The following BTBD6 variants were observed in gnomAD, a reference collection of about 807,000 sequenced individuals.
BTBD6 encodes the protein BTB/POZ domain-containing protein 6.
Under a neutral mutation model 40.6 loss-of-function variants are expected in BTBD6, and 30 were observed. The ratio of observed to expected loss-of-function variants is 0.74; its 90% CI spans 0.55 to 1.00. The LOEUF (loss-of-function observed/expected upper bound fraction) is 1.00. Among genes scored for constraint, BTBD6 ranks in the 50% least tolerant of loss-of-function variants. The pLI is 0.00. For missense variants in BTBD6, 698 were observed against 694.6 expected, an observed-to-expected ratio of 1.00 and a Z score of -0.06; for synonymous variants, 378 against 308.7, an observed-to-expected ratio of 1.22 and a Z score of -2.35.
In BTBD6 at chr14:105,248,636, C is replaced by T. The variant is rs1034114754; in HGVS notation, c.-76C>T. The T allele has an allele frequency of 6.1e-6, 6 of 979,528 alleles. No individual in the cohort carries two copies. Among genetic ancestry groups the T allele is most frequent in the Admixed American group, 1.3e-4 (2 of 15,800 alleles). The allele number at this position is 979,528 out of a possible 1,614,324, so 60.7% of individuals were successfully genotyped here. ...CCTGGCCGGGCTGCGCTAGGCTGGG[C>T]TCGGGCAGGGTCGCAGGGGCGGGGG... On this transcript the variant is annotated 5_prime_UTR_variant, in exon 1 of 4. Transcript: ENST00000392554.
At position 105,250,892 on chromosome 14, in the gene BTBD6, G is replaced by C; in HGVS notation, c.*220G>C. 1 of 581,374 alleles carries C rather than the reference G, an allele frequency of 1.7e-6. No individual in the cohort carries two copies. Among genetic ancestry groups the C allele is most frequent in the Non-Finnish European group, 3.1e-6 (1 of 322,198 alleles). The allele number at this position is 581,374 out of a possible 1,614,324, so 36.0% of individuals were successfully genotyped here. Reference sequence around the variant, plus strand: ...AGTGGGGTGCACGTCTCAGGTGGAGGAAGATTTACGGCTCAAGACAGGCCC... The same window carrying C: ...AGTGGGGTGCACGTCTCAGGTGGAGCAAGATTTACGGCTCAAGACAGGCCC... On this transcript the variant is annotated 3_prime_UTR_variant, in exon 4 of 4. Coordinates refer to ENST00000392554, the MANE Select transcript of BTBD6 (RefSeq NM_001387567.1).
In BTBD6 at chr14:105,249,374, C is replaced by T; in HGVS notation, c.480C>T (p.Val160=). 1.2e-6 allele frequency: 2 copies of T among 1,611,294 alleles called. No individual in the cohort carries two copies. The highest frequency in any genetic ancestry group is 1.1e-5 in the South Asian group (1 of 90,690). ...TVPAHKYVLA[V]GSSVFYAMFY... ...TCTCCTCCCAGTACGTCTTGGCTGT[C>T]GGCAGCTCCGTCTTCTATGCCATGT... Residue 160 remains valine (V), a synonymous_variant, in exon 3 of 4, where the codon GTC becomes GTT. Coordinates refer to ENST00000392554, the MANE Select transcript of BTBD6 (RefSeq NM_001387567.1).
Position 105,250,716 on chromosome 14 carries a change from G to C in BTBD6, c.*44G>C, listed in dbSNP as rs781716954. On this transcript the variant is annotated 3_prime_UTR_variant, in exon 4 of 4. Coordinates refer to ENST00000392554, the MANE Select transcript of BTBD6 (RefSeq NM_001387567.1). The stretch of plus-strand genomic sequence containing the variant: ...AGCAGGTCAGCGAGTGAGTGGAGGG[G>C]AAGTCAAGATGCTAACTGCTTCTTG... 6.4e-7 allele frequency: 1 copy of C among 1,560,264 alleles called. No individual in the cohort carries two copies. Among genetic ancestry groups the C allele is most frequent in the Non-Finnish European group, 8.7e-7 (1 of 1,147,788 alleles).
rs2055417828 is a variant in BTBD6 at position 105,249,291 on chromosome 14, C to G, written c.465+44C>G. On this transcript the variant is annotated intron_variant, in intron 2 of 3. Transcript: ENST00000392554. ...TCTCGGAACGCGTGCCCCGTCCGCC[C>G]CGTCCGCCGTGTGGCTGACACGCAG... The G allele has an allele frequency of 9.6e-6, 15 of 1,570,644 alleles. No individual in the cohort carries two copies. The East Asian group carries it at 2.1e-4, about 22-fold the overall frequency.
In BTBD6 at chr14:105,249,768, C is replaced by A; in HGVS notation, c.713C>A (p.Ala238Asp). The A allele has an allele frequency of 6.2e-7, 1 of 1,613,872 alleles. No individual in the cohort carries two copies. Residue 238 changes from alanine to aspartate, a missense_variant, in exon 4 of 4, where the codon GCC becomes GAC. Transcript: ENST00000392554. ...AACTTTCTGGAGACAAGTTTGGAAG[C>A]CAAGAACGCCTGCGTCCTGCTGTCC... is the stretch of plus-strand genomic sequence containing the variant. The part of the protein sequence containing the change: ...CVNFLETSLE[A>D]KNACVLLSQS...
In BTBD6 at chr14:105,250,064, C is replaced by G. The variant is rs561091813; in HGVS notation, c.1009C>G (p.Arg337Gly). Residue 337 changes from arginine (R) to glycine (G), a missense_variant, in exon 4 of 4, where the codon CGA (arginine) becomes GGA (glycine). Arg to Gly is a moderately radical substitution (Grantham distance 125). Transcript: ENST00000392554. ...TCTGGGGCGAGCCCTCTATCTGGTC[C>G]GAATTCCAACCATGACCCTAGAGGA... The part of the protein sequence containing the change: ...HVLGRALYLV[R>G]IPTMTLEEFA... 6.2e-7 allele frequency: 1 copy of G among 1,612,966 alleles called. No homozygotes were observed.
At position 105,250,625 on chromosome 14, in the gene BTBD6, A is replaced by C; in HGVS notation, c.1570A>C (p.Thr524Pro). The change falls in exon 4 of 4, where the codon ACT becomes CCT. Residue 524 changes from threonine (T) to proline (P), a missense_variant. Transcript: ENST00000392554. The stretch of plus-strand genomic sequence containing the variant: ...GTGCTCCTCGGACAGCACCAACGGG[A>C]CTGGGGTCCAGGGTGGGCAGATCCC... ...FQCSSDSTNG[T>P]GVQGGQIPEL... 1 of 1,613,728 alleles carries C rather than the reference A, an allele frequency of 6.2e-7. No homozygotes were observed. Among genetic ancestry groups the C allele is most frequent in the Middle Eastern group, 1.7e-4 (1 of 5,856 alleles).
chr14:105,250,230 A>C lies in BTBD6; in HGVS notation c.1175A>C (p.His392Pro). The C allele has an allele frequency of 6.2e-7, 1 of 1,612,940 alleles. No homozygotes were observed. The highest frequency in any genetic ancestry group is 8.5e-7 in the Non-Finnish European group (1 of 1,180,026). Residue 392 changes from histidine (H) to proline (P), a missense_variant, in exon 4 of 4, where the codon CAC becomes CCC. By Grantham distance (77) the His-to-Pro change is moderately conservative (BLOSUM62 -2). Transcript: ENST00000392554. ...AAGGGCCTCGCCCCGCAGAGGTGCCACCGATTCCAGTCTTCTGCCTACCGC... is the reference window on the plus strand; with the variant it reads ...AAGGGCCTCGCCCCGCAGAGGTGCCCCCGATTCCAGTCTTCTGCCTACCGC... ...KRKGLAPQRC[H>P]RFQSSAYRSN... is the part of the protein sequence containing the mutation.
At position 105,250,668 on chromosome 14, in the gene BTBD6, C is replaced by G; in HGVS notation, c.1613C>G (p.Ala538Gly). 3 of 1,603,528 alleles carry G rather than the reference C, an allele frequency of 1.9e-6. No individual in the cohort carries two copies. The highest frequency in any genetic ancestry group is 2.6e-6 in the Non-Finnish European group (3 of 1,172,876). ...GGQIPELIFYA is the reference protein window; with the variant it reads ...GGQIPELIFYG ...CAGATCCCTGAGCTCATTTTCTATGCCTGAGGTGCCCGGGGAGGCTGCAGC... is the reference window on the plus strand; with the variant it reads ...CAGATCCCTGAGCTCATTTTCTATGGCTGAGGTGCCCGGGGAGGCTGCAGC... Residue 538 changes from alanine (A) to glycine (G), a missense_variant, in exon 4 of 4, where the codon GCC (alanine) becomes GGC (glycine). Coordinates refer to ENST00000392554, the MANE Select transcript of BTBD6 (RefSeq NM_001387567.1).
chr14:105,248,562 T>A lies in BTBD6; in HGVS notation c.-150T>A. On this transcript the variant is annotated 5_prime_UTR_variant, in exon 1 of 4. Coordinates refer to ENST00000392554, the MANE Select transcript of BTBD6 (RefSeq NM_001387567.1). The stretch of plus-strand genomic sequence containing the variant: ...CGTGACGCACCGGCGCCGCGGCGGG[T>A]ACGGGCTCGGGCGGGCGGGCGGGCG... The A allele has an allele frequency of 3.3e-6, 1 of 301,572 alleles. No homozygotes were observed. Among genetic ancestry groups the A allele is most frequent in the Non-Finnish European group, 4.0e-6 (1 of 253,048 alleles). The allele number at this position is 301,572 out of a possible 1,614,324, so 18.7% of individuals were successfully genotyped here.
rs1251612579 is a variant in BTBD6 at position 105,250,118 on chromosome 14, A to G, written c.1063A>G (p.Ile355Val). The G allele has an allele frequency of 6.2e-7, 1 of 1,613,008 alleles. No individual in the cohort carries two copies. Among genetic ancestry groups the G allele is most frequent in the Non-Finnish European group, 8.5e-7 (1 of 1,180,024 alleles). The change falls in exon 4 of 4, where the codon ATC (isoleucine) becomes GTC (valine). Residue 355 changes from isoleucine to valine, a missense_variant. Physicochemically the swap from Ile to Val is conservative, Grantham distance 29. Transcript: ENST00000392554. ...EFANGAAQSD[I>V]LTLEETHSIF... ...TGCCAACGGCGCTGCCCAGTCAGAC[A>G]TCCTGACTCTGGAGGAGACCCACAG...
At position 105,249,704 on chromosome 14, in the gene BTBD6, A is replaced by C. The variant is rs772458670; in HGVS notation, c.649A>C (p.Lys217Gln). The C allele has an allele frequency of 6.2e-7, 1 of 1,613,668 alleles. No homozygotes were observed. The highest frequency in any genetic ancestry group is 8.5e-7 in the Non-Finnish European group (1 of 1,180,032). The change falls in exon 4 of 4, where the codon AAG becomes CAG. Residue 217 changes from lysine (K) to glutamine (Q), a missense_variant. By Grantham distance (53) the Lys-to-Gln change is moderately conservative. Transcript: ENST00000392554. ...GGTGCTGGCCACTCTGTACGCTGCT[A>C]AGAAGTACATCGTCCCAGCATTGGC... ...DTVLATLYAA[K>Q]KYIVPALAKA...
chr14:105,249,394 C>T lies in BTBD6; in HGVS notation c.500C>T (p.Ala167Val), dbSNP rs1320266186. 1.2e-6 allele frequency: 2 copies of T among 1,613,188 alleles called. No individual in the cohort carries two copies. ...VLAVGSSVFYAMFYGDLAEVK... is the reference protein window; with the variant it reads ...VLAVGSSVFYVMFYGDLAEVK... ...GCTGTCGGCAGCTCCGTCTTCTATG[C>T]CATGTTCTACGGAGACCTGGCGGAA... Residue 167 changes from alanine to valine, a missense_variant, in exon 3 of 4, where the codon GCC (alanine) becomes GTC (valine). By Grantham distance (64) the Ala-to-Val change is moderately conservative. Transcript: ENST00000392554.
rs2055332741 is a variant in BTBD6 at position 105,248,658 on chromosome 14, G to A, written c.-54G>A. 3 of 980,868 alleles carry A rather than the reference G, an allele frequency of 3.1e-6. No individual in the cohort carries two copies. Among genetic ancestry groups the A allele is most frequent in the Non-Finnish European group, 3.6e-6 (3 of 828,388 alleles). 60.8% of individuals were successfully genotyped at this position (980,868 alleles called of 1,614,324 possible). ...GGGCTCGGGCAGGGTCGCAGGGGCG[G>A]GGGTGGCAGGGGAGCGGGTGGCAGC... is the stretch of plus-strand genomic sequence containing the variant. On this transcript the variant is annotated 5_prime_UTR_variant, in exon 1 of 4. Transcript: ENST00000392554.
chr14:105,250,361 G>A lies in BTBD6; in HGVS notation c.1306G>A (p.Ala436Thr), dbSNP rs767129420. Residue 436 changes from alanine (A) to threonine (T), a missense_variant, in exon 4 of 4, where the codon GCT (alanine) becomes ACT (threonine). Transcript: ENST00000392554. ...CCTGTATGGCTCCAGCTCTGGGAAG[G>A]CTGAGTACAGCGTGAAGATTGAGCT... is the stretch of plus-strand genomic sequence containing the variant. ...LGLYGSSSGKAEYSVKIELKR... is the reference protein window; with the variant it reads ...LGLYGSSSGKTEYSVKIELKR... 1.9e-6 allele frequency: 3 copies of A among 1,613,708 alleles called. No homozygotes were observed. Among genetic ancestry groups the A allele is most frequent in the Non-Finnish European group, 8.5e-7 (1 of 1,180,024 alleles).
chr14:105,249,121 C>G (rs747801688), intron 1 of BTBD6, 36 bp downstream of exon 1: 180 of 1,510,856 alleles, frequency 1.2e-4, no homozygotes, highest in African/African-American at 2.9e-5. Flanking sequence ...CGCCCGCGCG[C>G]GCCCACGCCC....
chr14:105,249,232 G>T lies in BTBD6; in HGVS notation c.450G>T (p.Thr150=). The T allele has an allele frequency of 6.3e-7, 1 of 1,583,834 alleles. No individual in the cohort carries two copies. The change falls in exon 2 of 4, where the codon ACG becomes ACT. Residue 150 remains threonine, a synonymous_variant. Transcript: ENST00000392554. ...FVVGPPGATR[T]VPAHKYVLAV... ...TGGGGCCCCCGGGGGCGACCAGGAC[G>T]GTGCCCGCCCACAAGGTGGGTAGCG...
At position 105,249,902 on chromosome 14, in the gene BTBD6, C is replaced by T. The variant is rs1250814189; in HGVS notation, c.847C>T (p.Gln283Ter). 2 of 1,611,284 alleles carry T rather than the reference C, an allele frequency of 1.2e-6. No homozygotes were observed. The highest frequency in any genetic ancestry group is 8.5e-7 in the Non-Finnish European group (1 of 1,179,988). Residue 283 changes from glutamine to a stop codon, truncating the protein, a stop_gained, in exon 4 of 4, where the codon CAG (glutamine) becomes TAG (stop). Coordinates refer to ENST00000392554, the MANE Select transcript of BTBD6 (RefSeq NM_001387567.1). LOFTEE classifies it high-confidence loss of function. ...RSEGFCEIDR[Q>*]TLEIIVTREA... ...CGAAGGCTTCTGTGAGATAGACCGG[C>T]AGACGCTGGAGATCATTGTCACTCG...
At position 105,250,418 on chromosome 14, in the gene BTBD6, T is replaced by C. The variant is rs772912309; in HGVS notation, c.1363T>C (p.Leu455=). 3.1e-6 allele frequency: 5 copies of C among 1,613,806 alleles called. No homozygotes were observed. The change falls in exon 4 of 4, where the codon TTG becomes CTG. Residue 455 remains leucine, a synonymous_variant. Transcript: ENST00000392554. ...KRLGVVLAQN[L]TKFMSDGSSN... ...GCTCGGGGTGGTTCTGGCTCAGAAC[T>C]TGACCAAGTTCATGTCAGACGGATC...
Sources: allele counts gnomAD v4.1 joint callset, GRCh38; gene constraint gnomAD v4.1.1; transcripts MANE v1.5; gene names NCBI Gene and HGNC (gene_info 2026-07-23, HGNC 2026-07-21).